The following PCDH11X variants were observed in gnomAD, a reference collection of about 807,000 sequenced individuals.
PCDH11X encodes the protein protocadherin-11 X-linked.
A neutral mutation model predicts 53.3 loss-of-function variants in PCDH11X; 18 were observed. That is an observed-to-expected ratio of 0.34 (90% confidence interval 0.23 to 0.50). The LOEUF (loss-of-function observed/expected upper bound fraction) is 0.50. Among genes scored for constraint, PCDH11X ranks in the 20% least tolerant of loss-of-function variants. PCDH11X has a pLI of 0.98. For synonymous variants in PCDH11X, 279 were observed against 393.3 expected (o/e 0.71, Z 3.44); for missense variants, 570 against 1,032.4 (o/e 0.55, Z 6.14).
At chrX:92,229,849 G>T (rs756669431) in intron 7 of PCDH11X, among the ~76,000 whole-genome samples, 2 of 111,200 alleles carry the variant, frequency 1.8e-5, no homozygotes, top group Non-Finnish European at 3.8e-5. Flanking sequence ...TATTGTCAGT[G>T]AGAGAAATTA....
At chrX:92,299,181 G>T in intron 8 of PCDH11X, among the ~76,000 whole-genome samples, 1 of 111,541 alleles carries the variant, frequency 9.0e-6, no homozygotes, top group Non-Finnish European at 1.9e-5. Context: ...GTCCTGTTAA[G>T]AATTCCGTCA....
chrX:92,314,704 A>T lies in PCDH11X; in HGVS notation c.3144+51561A>T, dbSNP rs187710525. Among the ~76,000 whole-genome samples the T allele has an allele frequency of 9.0e-3, 995 of 110,367 alleles. 13 individuals are homozygous for T. The highest frequency in any genetic ancestry group is 0.031 in the African/African-American group (946 of 30,375). On this transcript the variant is annotated intron_variant, in intron 8 of 10. Transcript: ENST00000682573. ...AATTTTTCAGCTCCATTATAATCTT[A>T]TGGAACCACAGTCATATATGTAATC...
intron 9 of PCDH11X, among the ~76,000 whole-genome samples, chrX:92,406,050 TATC>T: frequency 1.1e-5 from 1 of 92,737 alleles, no homozygotes; most frequent in Non-Finnish European, 2.1e-5. Context: ...AGCCGAGATC[TATC>T]ACGCCACTGC....
chrX:92,255,837 A>C (rs2148404729), intron 7 of PCDH11X, among the ~76,000 whole-genome samples: 1 of 112,219 alleles, frequency 8.9e-6, no homozygotes, highest in African/African-American at 3.2e-5. Context: ...CTCTCTTCAA[A>C]GCTGTCAGAC....
At position 92,122,967 on chromosome X, in the gene PCDH11X, C is replaced by T. The variant is rs2064798154; in HGVS notation, c.3034-78408C>T. On this transcript the variant is annotated intron_variant, in intron 6 of 10. Transcript: ENST00000682573. The stretch of plus-strand genomic sequence containing the variant: ...ATAAATTTAAATAAATACATACATA[C>T]ATAAAGGAAAATCATAATCTGAATG... Among the ~76,000 whole-genome samples the T allele has an allele frequency of 2.7e-5, 3 of 110,998 alleles. No homozygotes were observed. The South Asian group carries it at 1.1e-3, about 42-fold the overall frequency.
rs560162687 is a variant in PCDH11X at position 91,985,220 on chromosome X, T to C, written c.3033+105947T>C. On this transcript the variant is annotated intron_variant, in intron 6 of 10. Coordinates refer to ENST00000682573, the MANE Select transcript of PCDH11X (RefSeq NM_032968.5). ...GGTTTTACATGCTTAAAGTTTAATT[T>C]GTCCGGCCGGGTGTGGTGGCTCACG... Among the ~76,000 whole-genome samples, 6 of 112,415 alleles carry C rather than the reference T, an allele frequency of 5.3e-5. No homozygotes were observed. In the South Asian group the frequency reaches 2.2e-3, roughly 41 times the overall value.
At chrX:92,024,577 G>A (rs998303034) in intron 6 of PCDH11X, among the ~76,000 whole-genome samples, 1 of 108,443 alleles carries the variant, frequency 9.2e-6, no homozygotes, top group Non-Finnish European at 1.9e-5. Context: ...TCGTGAAAAC[G>A]GCCATACTGC....
At chrX:92,231,781 C>A (rs1408105667) in intron 7 of PCDH11X, among the ~76,000 whole-genome samples, 1 of 111,912 alleles carries the variant, frequency 8.9e-6, no homozygotes, top group African/African-American at 3.2e-5. Flanking sequence ...AAGGCATATG[C>A]CAATTTTAAG....
At chrX:92,403,336 T>G (rs1276343940) in intron 9 of PCDH11X, among the ~76,000 whole-genome samples, 1 of 76,508 alleles carries the variant, frequency 1.3e-5, no homozygotes, top group Non-Finnish European at 2.2e-5. Flanking sequence ...TACGTTTTTT[T>G]TTGTTTTTTT....
At chrX:91,990,517 T>C (rs2062304836) in intron 6 of PCDH11X, among the ~76,000 whole-genome samples, 2 of 111,833 alleles carry the variant, frequency 1.8e-5, no homozygotes, top group Admixed American at 1.9e-4. Flanking sequence ...CATGGTATGA[T>C]GAGTGATTTT....
At chrX:92,117,293 G>A (rs7888999) in intron 6 of PCDH11X, among the ~76,000 whole-genome samples, 14,138 of 109,074 alleles carry the variant, frequency 0.13, 1,107 homozygotes, top group East Asian at 0.43. Context: ...AAAATTAGCC[G>A]AGCATGGTGG....
intron 6 of PCDH11X, among the ~76,000 whole-genome samples, chrX:92,076,462 G>A (rs1215023985): frequency 9.5e-6 from 1 of 105,256 alleles, no homozygotes; most frequent in Non-Finnish European, 1.9e-5. Context: ...GTCTGTGATC[G>A]ATTAAATAGT....
chrX:91,936,141 G>T (rs1206649719), intron 6 of PCDH11X, among the ~76,000 whole-genome samples: 2 of 105,195 alleles, frequency 1.9e-5, no homozygotes, highest in Non-Finnish European at 3.9e-5. Flanking sequence ...TCAGATGGTT[G>T]CAGGGGGCCT....
intron 6 of PCDH11X, among the ~76,000 whole-genome samples, chrX:91,892,223 A>G (rs1940522210): frequency 9.3e-6 from 1 of 107,111 alleles, no homozygotes; most frequent in Non-Finnish European, 1.9e-5. Context: ...AATACCCCTG[A>G]CATTTGTCCC....
chrX:92,406,496 A>G (rs1197435464), intron 9 of PCDH11X, among the ~76,000 whole-genome samples: 1 of 102,253 alleles, frequency 9.8e-6, no homozygotes, highest in Non-Finnish European at 1.9e-5. Context: ...ATGAAAAGGA[A>G]TGTGCAAGTT....
intron 5 of PCDH11X, among the ~76,000 whole-genome samples, chrX:91,875,466 T>C (rs1939555415): frequency 9.3e-6 from 1 of 107,116 alleles, no homozygotes; most frequent in Admixed American, 1.0e-4. Context: ...TTTTTTTGTA[T>C]TTTTTAAGTA....
At chrX:91,883,774 C>A (rs1940054173) in intron 6 of PCDH11X, 1 of 689,698 alleles carries the variant, frequency 1.4e-6, no homozygotes, top group Admixed American at 9.0e-5. Flanking sequence ...CACTGCACTC[C>A]AGCCTGGGTG....
intron 8 of PCDH11X, among the ~76,000 whole-genome samples, chrX:92,338,573 A>C (rs764828678): frequency 9.0e-6 from 1 of 110,721 alleles, no homozygotes; most frequent in South Asian, 3.9e-4. Context: ...ACTACCTATC[A>C]CTATCTATTA....
intron 8 of PCDH11X, among the ~76,000 whole-genome samples, chrX:92,311,391 A>G (rs750256992): frequency 1.4e-4 from 15 of 109,905 alleles, no homozygotes; most frequent in African/African-American, 5.0e-4. Context: ...ATAACTTTGT[A>G]ATCTTAGTTG....
Sources: gnomAD v4.1 joint callset for allele counts (sites outside exome capture counted in the v4.1 genomes callset) on GRCh38, gnomAD v4.1.1 for gene constraint, MANE v1.5 for transcripts, NCBI Gene and HGNC (gene_info 2026-07-23, HGNC 2026-07-21) for gene names.